The following CDK14 variants were observed in gnomAD, a reference collection of about 807,000 sequenced individuals.
The protein encoded by CDK14 is cyclin-dependent kinase 14.
Under a neutral mutation model 60.7 loss-of-function variants are expected in CDK14, and 34 were observed. The ratio of observed to expected loss-of-function variants is 0.56; its 90% CI spans 0.43 to 0.75. The LOEUF is 0.75. CDK14 is among the 30% of genes least tolerant of loss of function. CDK14 has a pLI of 0.00. For synonymous variants in CDK14, 197 were observed against 203.7 expected, an observed-to-expected ratio of 0.97 and a Z score of 0.28; for missense variants, 482 against 564.1, an observed-to-expected ratio of 0.85 and a Z score of 1.47.
chr7:90,919,996 G>A (rs1456844491), intron 8 of CDK14, among the ~76,000 whole-genome samples: 1 of 152,242 alleles, frequency 6.6e-6, no homozygotes, highest in Non-Finnish European at 1.5e-5. Flanking sequence ...CAGTTGGCAT[G>A]CATCCTGTGC....
intron 2 of CDK14, among the ~76,000 whole-genome samples, chr7:90,670,663 G>A (rs1260955455): frequency 6.6e-6 from 1 of 152,026 alleles, no homozygotes; most frequent in Non-Finnish European, 1.5e-5. Flanking sequence ...AGAGAGTGAT[G>A]GGAGGTGTTG....
intron 14 of CDK14, among the ~76,000 whole-genome samples, chr7:91,184,204 TAAAAAAA>T (rs59565390): frequency 2.7e-5 from 1 of 36,678 alleles, no homozygotes; most frequent in East Asian, 9.1e-4. Context: ...GGCTCCGTCT[TAAAAAAA>T]AAAAAAAAAA....
At chr7:90,725,299 G>A (rs1389713185) in intron 2 of CDK14, among the ~76,000 whole-genome samples, 1 of 152,126 alleles carries the variant, frequency 6.6e-6, no homozygotes, top group Non-Finnish European at 1.5e-5. Flanking sequence ...GTTTGGTGGT[G>A]TGTTTTCCTG....
intron 10 of CDK14, among the ~76,000 whole-genome samples, chr7:91,001,464 C>T (rs539992420): frequency 3.3e-5 from 5 of 152,310 alleles, no homozygotes; most frequent in East Asian, 1.9e-4. Context: ...ATTTTATCCA[C>T]GCTGTGTTGC....
At chr7:90,729,085 G>A (rs1802748131) in intron 3 of CDK14, among the ~76,000 whole-genome samples, 1 of 149,042 alleles carries the variant, frequency 6.7e-6, no homozygotes, top group African/African-American at 2.5e-5. Context: ...TATCCACTCT[G>A]CCTGGTATCC....
intron 14 of CDK14, among the ~76,000 whole-genome samples, chr7:91,173,919 A>G (rs1396632494): frequency 7.9e-5 from 12 of 152,232 alleles, no homozygotes; most frequent in Admixed American, 7.8e-4. Flanking sequence ...TAGGTAAACA[A>G]AGCAGCCAGG....
At chr7:90,912,575 T>G (rs1792942744) in intron 7 of CDK14, among the ~76,000 whole-genome samples, 1 of 152,126 alleles carries the variant, frequency 6.6e-6, no homozygotes, top group Admixed American at 6.6e-5. Context: ...TGGAAAGGAT[T>G]AAGTAATTTG....
At chr7:90,806,739 G>A (rs1257563730) in intron 5 of CDK14, among the ~76,000 whole-genome samples, 6 of 152,300 alleles carry the variant, frequency 3.9e-5, no homozygotes, top group South Asian at 2.1e-4. Context: ...GGTGACAGAC[G>A]GCACCTGGAA....
At chr7:90,681,034 A>G (rs2116560042) in intron 2 of CDK14, among the ~76,000 whole-genome samples, 1 of 152,338 alleles carries the variant, frequency 6.6e-6, no homozygotes, top group South Asian at 2.1e-4. Context: ...ATTTGAAAAT[A>G]TGGATAGTTT....
intron 2 of CDK14, among the ~76,000 whole-genome samples, chr7:90,630,724 C>T (rs1799976059): frequency 1.3e-5 from 2 of 151,760 alleles, no homozygotes; most frequent in South Asian, 4.2e-4. Context: ...CAAATTTAGC[C>T]CTTATTCTAA....
At chr7:91,054,395 A>C (rs1313888250) in intron 11 of CDK14, among the ~76,000 whole-genome samples, 1 of 152,212 alleles carries the variant, frequency 6.6e-6, no homozygotes, top group Non-Finnish European at 1.5e-5. Flanking sequence ...ACCATCAGCT[A>C]TCACCTTTGT....
intron 2 of CDK14, among the ~76,000 whole-genome samples, chr7:90,705,990 A>T (rs1801887842): frequency 6.6e-6 from 1 of 152,148 alleles, no homozygotes; most frequent in Non-Finnish European, 1.5e-5. Context: ...AAAAAGTCTC[A>T]TATAAAGACA....
At chr7:90,901,840 C>T (rs1251357401) in intron 7 of CDK14, among the ~76,000 whole-genome samples, 2 of 151,790 alleles carry the variant, frequency 1.3e-5, no homozygotes, top group Non-Finnish European at 2.9e-5. Flanking sequence ...CCTTGCAGAC[C>T]AAGTAATCTT....
At chr7:90,682,365 A>G (rs1368329673) in intron 2 of CDK14, among the ~76,000 whole-genome samples, 1 of 152,238 alleles carries the variant, frequency 6.6e-6, no homozygotes, top group Non-Finnish European at 1.5e-5. Flanking sequence ...TGCAGAGAAT[A>G]CTAAAATATC....
intron 7 of CDK14, among the ~76,000 whole-genome samples, chr7:90,911,589 T>C (rs1792903120): frequency 6.6e-6 from 1 of 152,154 alleles, no homozygotes; most frequent in Non-Finnish European, 1.5e-5. Flanking sequence ...TCAGATTAAA[T>C]TGAACCGCAT....
chr7:90,865,336 C>A (rs578174054), intron 6 of CDK14, among the ~76,000 whole-genome samples: 17 of 152,164 alleles, frequency 1.1e-4, no homozygotes, highest in African/African-American at 4.1e-4. Context: ...GGCAATTGCC[C>A]AGTTCAAAAA....
chr7:90,880,170 C>T (rs1200938557), intron 6 of CDK14, among the ~76,000 whole-genome samples: 1 of 152,200 alleles, frequency 6.6e-6, no homozygotes, highest in Non-Finnish European at 1.5e-5. Flanking sequence ...CACTGGGACT[C>T]ACAACTGCCA....
intron 2 of CDK14, among the ~76,000 whole-genome samples, chr7:90,660,461 T>C (rs1800846388): frequency 6.6e-6 from 1 of 152,226 alleles, no homozygotes; most frequent in Admixed American, 6.5e-5. Flanking sequence ...AATGTATTAA[T>C]ATAAAAATGC....
intron 2 of CDK14, among the ~76,000 whole-genome samples, chr7:90,611,833 T>G (rs6963619): frequency 0.31 from 43,436 of 140,078 alleles, 7,278 homozygotes; most frequent in East Asian, 0.65. Flanking sequence ...CTTTGTGTGT[T>G]TTTTTTTTTT....
Sources: allele counts gnomAD v4.1 joint callset (sites outside exome capture counted in the v4.1 genomes callset), GRCh38; gene constraint gnomAD v4.1.1; transcripts MANE v1.5; gene names NCBI Gene and HGNC (gene_info 2026-07-23, HGNC 2026-07-21).